The following NBPF3 variants were observed in gnomAD, a reference collection of about 807,000 sequenced individuals.
NBPF3 encodes NBPF family member NBPF3.
NBPF3 carries 57 observed loss-of-function variants against 78.1 expected under a neutral mutation model. The ratio of observed to expected loss-of-function variants is 0.73; its 90% CI spans 0.59 to 0.91. The LOEUF (loss-of-function observed/expected upper bound fraction) is 0.91, where lower values mean the gene tolerates loss of function less well. Ranked by LOEUF, NBPF3 falls within the 40% of genes least tolerant of loss-of-function variation. The probability of loss-of-function intolerance (pLI) is 0.00; values close to 1 mark genes in which losing one functional copy is unlikely to be tolerated. For synonymous variants in NBPF3, 182 were observed against 271.7 expected (o/e 0.67, Z 3.25); for missense variants, 510 against 715.3 (o/e 0.71, Z 3.27).
chr1:21,471,890 A>C, intron 5 of NBPF3, 107 bp downstream of exon 5: 1 of 1,451,786 alleles, frequency 6.9e-7, no homozygotes, highest in South Asian at 1.2e-5. Context: ...TTTTCCCACT[A>C]AACGTATGTG....
rs1317575373 is a variant in NBPF3, at chr1:21,478,319, A to G, written c.1156+12A>G. The G allele has an allele frequency of 1.9e-6, 3 of 1,611,944 alleles. No individual in the cohort carries two copies. Among genetic ancestry groups the G allele is most frequent in the Middle Eastern group, 1.8e-4 (1 of 5,530 alleles). ...TCTTGACATAGGCAGTGAGTACTCCATTTTGAAGGTGATAAAGCTCCAGTT... is the reference window on the plus strand; with the variant it reads ...TCTTGACATAGGCAGTGAGTACTCCGTTTTGAAGGTGATAAAGCTCCAGTT... On this transcript the variant is annotated intron_variant, in intron 9 of 14. Coordinates refer to ENST00000318249, the MANE Select transcript of NBPF3 (RefSeq NM_032264.6).
chr1:21,463,954 A>G (rs1405987889), intron 2 of NBPF3, among the ~76,000 whole-genome samples: 1 of 152,234 alleles, frequency 6.6e-6, no homozygotes, highest in Non-Finnish European at 1.5e-5. Context: ...AAGACAACAC[A>G]TGTTTCAAAA....
At chr1:21,473,804 CAT>C (rs1642741812) in intron 7 of NBPF3, among the ~76,000 whole-genome samples, 1 of 152,244 alleles carries the variant, frequency 6.6e-6, no homozygotes, top group Non-Finnish European at 1.5e-5. Flanking sequence ...GTGACAATCT[CAT>C]AGTCACCTGA....
chr1:21,468,860 A>G lies in NBPF3; in HGVS notation c.306A>G (p.Gln102=). ...TCAAACAGAAATGTCTTGTAACTCA[A>G]GTGGCCTACTTCCTGGCCAACCGGC... ...RNLKQKCLVT[Q]VAYFLANRQN... Residue 102 remains glutamine, a synonymous_variant, in exon 3 of 15, where the codon CAA becomes CAG. Transcript: ENST00000318249. 1 of 1,614,210 alleles carries G rather than the reference A, an allele frequency of 6.2e-7. No homozygotes were observed. The highest frequency in any genetic ancestry group is 1.7e-5 in the Admixed American group (1 of 60,018).
chr1:21,455,104 C>T (rs1641523817), intron 2 of NBPF3, among the ~76,000 whole-genome samples: 1 of 152,212 alleles, frequency 6.6e-6, no homozygotes, highest in Non-Finnish European at 1.5e-5. Context: ...ATGCTTCCTC[C>T]AGCCAGCAGA....
chr1:21,484,467 G>GT lies in NBPF3; in HGVS notation c.*1084dup, dbSNP rs1040006420. 1.1e-5 allele frequency: 1 copy of GT among 94,020 alleles called. No homozygotes were observed. The highest frequency in any genetic ancestry group is 3.4e-5 in the African/African-American group (1 of 29,376). 5.8% of individuals were successfully genotyped at this position (94,020 alleles called of 1,614,324 possible). ...CTTCATGATTAAATTCAGCCTAAACGTTTCATCAAGAACACTACAGAGTCG... is the reference window on the plus strand; with the variant it reads ...CTTCATGATTAAATTCAGCCTAAACGTTTTCATCAAGAACACTACAGAGTCG... On this transcript the variant is annotated 3_prime_UTR_variant, in exon 15 of 15. Transcript: ENST00000318249.
intron 2 of NBPF3, chr1:21,468,456 A>G: frequency 7.1e-7 from 1 of 1,413,730 alleles, no homozygotes; most frequent in Non-Finnish European, 9.2e-7. Flanking sequence ...TACCTGGCAC[A>G]CTGGCCTCAC....
chr1:21,463,742 T>C (rs2147960358), intron 2 of NBPF3, among the ~76,000 whole-genome samples: 1 of 152,326 alleles, frequency 6.6e-6, no homozygotes, highest in Admixed American at 6.5e-5. Flanking sequence ...ATATAAGGAA[T>C]TCATATAACT....
intron 1 of NBPF3, among the ~76,000 whole-genome samples, chr1:21,444,120 G>T (rs1292030114): frequency 6.6e-6 from 1 of 152,140 alleles, no homozygotes; most frequent in Non-Finnish European, 1.5e-5. Flanking sequence ...TGCCTGGCAT[G>T]AAACAGATAT....
chr1:21,446,950 C>T (rs1461794227), intron 2 of NBPF3, among the ~76,000 whole-genome samples: 8 of 152,180 alleles, frequency 5.3e-5, no homozygotes, highest in Non-Finnish European at 8.8e-5. Flanking sequence ...CCAGGGGCAC[C>T]GCAGGGTTAG....
rs1477346642 is a variant in NBPF3, at chr1:21,477,446, C to T, written c.993-698C>T. ...TTTGGTCTTTGATGCTGGTGACCTA[C>T]AGATGGGGTTTTGGTGTGGATGTCC... On this transcript the variant is annotated intron_variant, in intron 8 of 14. Transcript: ENST00000318249. 2.0e-5 allele frequency among the ~76,000 whole-genome samples: 3 copies of T among 152,184 alleles called. No homozygotes were observed. In the South Asian group the frequency reaches 6.2e-4, roughly 32 times the overall value.
At chr1:21,473,140 C>T (rs1642696141) in intron 6 of NBPF3, among the ~76,000 whole-genome samples, 3 of 152,160 alleles carry the variant, frequency 2.0e-5, no homozygotes, top group South Asian at 4.1e-4. Flanking sequence ...TTTTCATCCT[C>T]CTCGGCTCCT....
At chr1:21,439,916 G>A (rs866828560), upstream of NBPF3, among the ~76,000 whole-genome samples, 1 of 152,344 alleles carries the variant, frequency 6.6e-6, no homozygotes, top group South Asian at 2.1e-4. Flanking sequence ...GAGAGACGCG[G>A]AGGGCAGAGA....
chr1:21,441,955 T>C (rs1640677761), intron 1 of NBPF3, among the ~76,000 whole-genome samples: 2 of 152,236 alleles, frequency 1.3e-5, no homozygotes, highest in East Asian at 1.9e-4. Context: ...TTTGCCATTC[T>C]AGTAGGGGTG....
chr1:21,446,923 G>C (rs1274292356), intron 2 of NBPF3, among the ~76,000 whole-genome samples: 1 of 152,058 alleles, frequency 6.6e-6, no homozygotes, highest in Non-Finnish European at 1.5e-5. Flanking sequence ...CTCCTTAACC[G>C]ATCTGCTATC....
chr1:21,463,988 A>G (rs972115467), intron 2 of NBPF3, among the ~76,000 whole-genome samples: 5 of 152,276 alleles, frequency 3.3e-5, no homozygotes, highest in African/African-American at 9.6e-5. Context: ...TCGAATTCTC[A>G]TATATTACTA....
chr1:21,473,145 G>C (rs1010229198), intron 6 of NBPF3, among the ~76,000 whole-genome samples: 8 of 152,106 alleles, frequency 5.3e-5, no homozygotes, highest in African/African-American at 1.9e-4. Context: ...ATCCTCCTCG[G>C]CTCCTATCTG....
intron 7 of NBPF3, among the ~76,000 whole-genome samples, chr1:21,474,228 G>A (rs1431647480): frequency 6.9e-6 from 1 of 144,082 alleles, no homozygotes; most frequent in Non-Finnish European, 1.5e-5. Context: ...TTTTGTGATG[G>A]AGTCTGGCTC....
intron 8 of NBPF3, among the ~76,000 whole-genome samples, chr1:21,475,694 T>A (rs1642854133): frequency 6.6e-6 from 1 of 152,186 alleles, no homozygotes; most frequent in African/African-American, 2.4e-5. Flanking sequence ...TACCTCCAAC[T>A]ATGTGGTCAA....
Sources: gnomAD v4.1 joint callset for allele counts (sites outside exome capture counted in the v4.1 genomes callset) on GRCh38, gnomAD v4.1.1 for gene constraint, MANE v1.5 for transcripts, NCBI Gene and HGNC (gene_info 2026-07-23, HGNC 2026-07-21) for gene names.